The following CFAP20DC variants were observed in gnomAD, a reference collection of about 807,000 sequenced individuals.
The protein encoded by CFAP20DC is protein CFAP20DC.
In CFAP20DC, 84 loss-of-function variants were observed where a neutral mutation model predicts 101.7. The ratio of observed to expected loss-of-function variants is 0.83; its 90% confidence interval spans 0.69 to 0.99. The LOEUF (loss-of-function observed/expected upper bound fraction) is 0.99. CFAP20DC is among the 50% of genes least tolerant of loss of function. CFAP20DC has a pLI of 0.00. For missense variants in CFAP20DC, 1,007 were observed against 970.3 expected, an observed-to-expected ratio of 1.04 and a Z score of -0.50; for synonymous variants, 359 against 351.2, an observed-to-expected ratio of 1.02 and a Z score of -0.25.
chr3:59,046,418 C>T, intron 2 of CFAP20DC, 96 bp from the exon 3 acceptor site: 1 of 774,332 alleles, frequency 1.3e-6, no homozygotes, highest in South Asian at 1.7e-5. Flanking sequence ...AAAAAAAATC[C>T]CATATTCAAA....
intron 14 of CFAP20DC, chr3:58,824,328 G>C (rs2075890436): frequency 6.6e-6 from 1 of 152,130 alleles, no homozygotes; most frequent in African/African-American, 2.4e-5. Flanking sequence ...GGAATATCAT[G>C]CAAAAACGCT....
chr3:59,040,579 C>T (rs1398473026), intron 3 of CFAP20DC, among the ~76,000 whole-genome samples: 1 of 151,940 alleles, frequency 6.6e-6, no homozygotes, highest in Non-Finnish European at 1.5e-5. Flanking sequence ...TACAGACCAA[C>T]ACGTGGATTA....
chr3:58,842,833 C>A (rs2077260521), intron 13 of CFAP20DC, among the ~76,000 whole-genome samples: 1 of 152,228 alleles, frequency 6.6e-6, no homozygotes, highest in Non-Finnish European at 1.5e-5. Context: ...GGCAGACTGC[C>A]TCCTCAAGTG....
At chr3:59,019,509 C>T (rs1340918751) in intron 4 of CFAP20DC, among the ~76,000 whole-genome samples, 1 of 151,750 alleles carries the variant, frequency 6.6e-6, no homozygotes, top group Admixed American at 6.6e-5. Flanking sequence ...CAGCCTAGGT[C>T]CCCCTAAATG....
intron 4 of CFAP20DC, among the ~76,000 whole-genome samples, chr3:59,032,711 G>A (rs2094019699): frequency 2.6e-5 from 4 of 152,328 alleles, no homozygotes; most frequent in African/African-American, 9.6e-5. Flanking sequence ...GGCACTTATA[G>A]ATAAAACCCC....
At chr3:58,960,491 C>CAAA (rs931283893) in intron 4 of CFAP20DC, among the ~76,000 whole-genome samples, 1 of 96,548 alleles carries the variant, frequency 1.0e-5, no homozygotes, top group Non-Finnish European at 2.2e-5. Context: ...GACTCTGTCT[C>CAAA]AAAAAAAAAA....
At chr3:58,901,082 C>G (rs775990344) in intron 6 of CFAP20DC, among the ~76,000 whole-genome samples, 6 of 152,168 alleles carry the variant, frequency 3.9e-5, no homozygotes, top group Non-Finnish European at 5.9e-5. Context: ...TCAGACTCAT[C>G]TACGTTCATC....
chr3:58,996,290 A>T (rs1461661011), intron 4 of CFAP20DC, among the ~76,000 whole-genome samples: 1 of 152,162 alleles, frequency 6.6e-6, no homozygotes, highest in Admixed American at 6.5e-5. Context: ...GAGAATGAGG[A>T]TATCACCTCT....
intron 4 of CFAP20DC, among the ~76,000 whole-genome samples, chr3:59,013,634 T>G (rs534371905): frequency 6.6e-6 from 1 of 152,284 alleles, no homozygotes; most frequent in Admixed American, 6.5e-5. Context: ...TACTAACACC[T>G]GCACATATTC....
intron 15 of CFAP20DC, among the ~76,000 whole-genome samples, chr3:58,783,959 A>T (rs2072082025): frequency 6.6e-6 from 1 of 152,016 alleles, no homozygotes; most frequent in Admixed American, 6.6e-5. Flanking sequence ...TTATGCAGGT[A>T]CTGAGCATGG....
intron 4 of CFAP20DC, among the ~76,000 whole-genome samples, chr3:58,946,090 T>C (rs12715538): frequency 0.75 from 112,648 of 150,042 alleles, 42,564 homozygotes; most frequent in East Asian, 0.95. Context: ...ATGGCCTCTT[T>C]TACTGGTTTC....
In CFAP20DC at chr3:58,937,289, A is replaced by C. The variant is rs549527584; in HGVS notation, c.393+359T>G. Reference sequence around the variant, plus strand: ...CTTTTGCTGGAATGCCTGGCTTCCTATCTCTCCCTGTTGAAATCTTAGAGT... The same window carrying C: ...CTTTTGCTGGAATGCCTGGCTTCCTCTCTCTCCCTGTTGAAATCTTAGAGT... On this transcript the variant is annotated intron_variant, in intron 5 of 16. Transcript: ENST00000482387. Among the ~76,000 whole-genome samples the C allele has an allele frequency of 2.6e-5, 4 of 152,186 alleles. No homozygotes were observed. In the South Asian group the frequency reaches 8.3e-4, roughly 32 times the overall value.
chr3:58,856,502 C>T (rs2078839258), intron 12 of CFAP20DC, among the ~76,000 whole-genome samples: 1 of 152,196 alleles, frequency 6.6e-6, no homozygotes, highest in East Asian at 1.9e-4. Flanking sequence ...GCAACCCTCT[C>T]TGCTGTAGGC....
At chr3:58,762,848 T>G (rs375090564) in intron 15 of CFAP20DC, among the ~76,000 whole-genome samples, 268 of 152,028 alleles carry the variant, frequency 1.8e-3, no homozygotes, top group African/African-American at 3.5e-3. Context: ...TTTTCTTTAA[T>G]AATGTTGAAT....
chr3:58,897,846 A>G lies in CFAP20DC; in HGVS notation c.551-13137T>C, dbSNP rs975408339. Among the ~76,000 whole-genome samples, 5 of 152,050 alleles carry G rather than the reference A, an allele frequency of 3.3e-5. No individual in the cohort carries two copies. The highest frequency in any genetic ancestry group is 5.9e-5 in the Non-Finnish European group (4 of 68,016). ...CATTTTGACCTTGGAGAATCTGACG[A>G]TTATGTGCCTTGGCATTGATCGTCT... On this transcript the variant is annotated intron_variant, in intron 6 of 16. Transcript: ENST00000482387. This position sits in a 1 kb window ranked among gnomAD's most constrained non-coding sequence, Gnocchi z 4.4.
chr3:58,961,390 C>T (rs112552860), intron 4 of CFAP20DC, among the ~76,000 whole-genome samples: 6 of 152,152 alleles, frequency 3.9e-5, no homozygotes, highest in African/African-American at 1.2e-4. Flanking sequence ...CCCGTCTCTA[C>T]TAAAAGTACA....
chr3:58,919,309 G>T (rs1243145282), intron 5 of CFAP20DC, among the ~76,000 whole-genome samples: 3 of 151,826 alleles, frequency 2.0e-5, no homozygotes, highest in Non-Finnish European at 2.9e-5. Flanking sequence ...ACCACAATTT[G>T]CTCGTTCTTC....
At chr3:58,773,946 C>T (rs2071086275) in intron 15 of CFAP20DC, among the ~76,000 whole-genome samples, 1 of 151,934 alleles carries the variant, frequency 6.6e-6, no homozygotes, top group Non-Finnish European at 1.5e-5. Context: ...GATATATTTA[C>T]ATGAGTTTGT....
chr3:59,025,298 T>G (rs1298411235), intron 4 of CFAP20DC, among the ~76,000 whole-genome samples: 1 of 152,124 alleles, frequency 6.6e-6, no homozygotes, highest in East Asian at 1.9e-4. Context: ...AAGTCAATAG[T>G]CAAGGAGGCT....
Sources: gnomAD v4.1 joint callset for allele counts (sites outside exome capture counted in the v4.1 genomes callset) on GRCh38, gnomAD v4.1.1 for gene constraint, Gnocchi (gnomAD v3.1) non-coding constraint, MANE v1.5 for transcripts, NCBI Gene and HGNC (gene_info 2026-07-23, HGNC 2026-07-21) for gene names.